TLE1: variants seen among roughly 807,000 people sequenced by gnomAD.
The protein encoded by TLE1 is TLE family member 1, transcriptional corepressor, also known as transducin-like enhancer protein 1.
A neutral mutation model predicts 89.8 loss-of-function variants in TLE1; 21 were observed. That is an observed-to-expected ratio of 0.23 (90% confidence interval 0.17 to 0.34). The LOEUF (loss-of-function observed/expected upper bound fraction) is 0.34. Among genes scored for constraint, TLE1 ranks in the 10% least tolerant of loss-of-function variants. The pLI is 1.00. For missense variants in TLE1, 795 were observed against 1,031.2 expected, an observed-to-expected ratio of 0.77 and a Z score of 3.14; for synonymous variants, 447 against 407.6, an observed-to-expected ratio of 1.10 and a Z score of -1.16.
intron 4 of TLE1, among the ~76,000 whole-genome samples, chr9:81,684,032 A>C (rs1311470659): frequency 6.6e-6 from 1 of 152,156 alleles, no homozygotes; most frequent in African/African-American, 2.4e-5. Flanking sequence ...TTCCCTTGTA[A>C]AAGAGTCAAT....
At chr9:81,600,241 A>T (rs1563948145) in intron 14 of TLE1, 1 of 594,964 alleles carries the variant, frequency 1.7e-6, no homozygotes, top group Non-Finnish European at 3.1e-6. Flanking sequence ...CACTACAGAC[A>T]AAAACGAGCA....
intron 11 of TLE1, among the ~76,000 whole-genome samples, chr9:81,614,125 GTCTCGA>G (rs945241653): frequency 3.9e-5 from 6 of 151,930 alleles, no homozygotes; most frequent in African/African-American, 1.5e-4. Context: ...AGCCAGGATG[GTCTCGA>G]TCTCCTGACC....
At chr9:81,589,270 T>C (rs1829092136) in intron 16 of TLE1, among the ~76,000 whole-genome samples, 1 of 152,186 alleles carries the variant, frequency 6.6e-6, no homozygotes, top group Admixed American at 6.5e-5. Flanking sequence ...CACCTTCCTC[T>C]GCTGACATAC....
chr9:81,592,070 G>A (rs1370339876), intron 15 of TLE1, among the ~76,000 whole-genome samples: 2 of 152,136 alleles, frequency 1.3e-5, no homozygotes, highest in Non-Finnish European at 2.9e-5. Context: ...TTTAGAAATC[G>A]GAACATGGCC....
chr9:81,665,217 C>T (rs988691414), intron 4 of TLE1, among the ~76,000 whole-genome samples: 2 of 152,184 alleles, frequency 1.3e-5, no homozygotes, highest in Non-Finnish European at 2.9e-5. Flanking sequence ...TGGAAAACCT[C>T]GCACAATATT....
chr9:81,642,709 A>AAAGAAAAGAAAGAAAG (rs1554686035), intron 6 of TLE1, among the ~76,000 whole-genome samples: 1 of 150,366 alleles, frequency 6.7e-6, no homozygotes, highest in African/African-American at 2.5e-5. Flanking sequence ...ATGAAAGAAA[A>AAAGAAAAGAAAGAAAG]GAAAGAAAGG....
Position 81,633,304 on chromosome 9 carries a change from TGTGTGTGTG to T in TLE1, c.594+35_594+43del, listed in dbSNP as rs750872224. On this transcript the variant is annotated intron_variant, in intron 8 of 19. Transcript: ENST00000376499. ...GAAGGGGACCGTGTGTGTGTGTGTG[TGTGTGTGTG>T]TGTGTGTGTGTGCAGCAGGCGTTTG... The T allele has an allele frequency of 7.0e-6, 10 of 1,421,620 alleles. No homozygotes were observed. In the South Asian group the frequency reaches 1.3e-4, roughly 18 times the overall value. 88.1% of individuals were successfully genotyped at this position (1,421,620 alleles called of 1,614,324 possible).
chr9:81,662,364 TGTGTG>T (rs1830917885), intron 4 of TLE1, among the ~76,000 whole-genome samples: 3 of 53,214 alleles, frequency 5.6e-5, no homozygotes, highest in East Asian at 7.5e-4. Context: ...GCCTGTTTTG[TGTGTG>T]TGTGTGTGTG....
At chr9:81,652,814 C>T (rs955826806) in intron 5 of TLE1, among the ~76,000 whole-genome samples, 3 of 152,070 alleles carry the variant, frequency 2.0e-5, no homozygotes, top group African/African-American at 4.8e-5. Flanking sequence ...ATTTTAATAC[C>T]TAAAACTTTA....
At chr9:81,633,307 GTGTGTGTGT>G in intron 8 of TLE1, 32 bp downstream of exon 8, 1 of 1,605,220 alleles carries the variant, frequency 6.2e-7, no homozygotes, top group Non-Finnish European at 8.5e-7. Context: ...GTGTGTGTGT[GTGTGTGTGT>G]GTGTGTGTGC....
chr9:81,620,580 A>G (rs761107451), intron 8 of TLE1, 23 bp from the exon 9 acceptor site: 5 of 1,599,706 alleles, frequency 3.1e-6, no homozygotes, highest in South Asian at 2.3e-5. Context: ...AAAATTAATC[A>G]AAGATTTCTT....
chr9:81,649,505 A>T (rs1204318260), intron 6 of TLE1, among the ~76,000 whole-genome samples: 1 of 152,226 alleles, frequency 6.6e-6, no homozygotes, highest in African/African-American at 2.4e-5. Context: ...GGGAATGAGA[A>T]TGTTTCGGCT....
At chr9:81,632,091 A>C (rs1457481854) in intron 8 of TLE1, among the ~76,000 whole-genome samples, 1 of 138,782 alleles carries the variant, frequency 7.2e-6, no homozygotes, top group Non-Finnish European at 1.5e-5. Context: ...ACTCCATCTC[A>C]AAAAAAAAAA....
At chr9:81,685,573 T>G in intron 4 of TLE1, 103 bp downstream of exon 4, 1 of 1,188,320 alleles carries the variant, frequency 8.4e-7, no homozygotes, top group South Asian at 1.4e-5. Context: ...AAAAATAGCA[T>G]ACAAACCCCC....
intron 12 of TLE1, 40 bp downstream of exon 12, chr9:81,613,337 G>A (rs1823960758): frequency 6.2e-7 from 1 of 1,602,460 alleles, no homozygotes; most frequent in Non-Finnish European, 8.5e-7. Flanking sequence ...GCTGGGAATG[G>A]GAGAAACCAA....
At chr9:81,657,904 A>ATT (rs34624864) in intron 4 of TLE1, among the ~76,000 whole-genome samples, 5,031 of 133,952 alleles carry the variant, frequency 0.038, 133 homozygotes, top group African/African-American at 0.057. Flanking sequence ...TACAGACATA[A>ATT]TTTTTTTTTT....
chr9:81,670,804 T>G (rs1832123840), intron 4 of TLE1, among the ~76,000 whole-genome samples: 1 of 151,664 alleles, frequency 6.6e-6, no homozygotes, highest in South Asian at 2.1e-4. Context: ...CTGCATAAGA[T>G]CAGTGATACA....
chr9:81,662,381 G>A (rs1407019237), intron 4 of TLE1, among the ~76,000 whole-genome samples: 1 of 134,832 alleles, frequency 7.4e-6, no homozygotes, highest in African/African-American at 2.9e-5. Flanking sequence ...GTGTGTGTGT[G>A]TGTGTGTGTG....
intron 11 of TLE1, among the ~76,000 whole-genome samples, chr9:81,613,904 T>C (rs1302318249): frequency 9.5e-6 from 1 of 105,164 alleles, no homozygotes; most frequent in Non-Finnish European, 1.6e-5. Flanking sequence ...CCCTTTTCTT[T>C]TCTTTTTTTT....
Sources: gnomAD v4.1 joint callset for allele counts (sites outside exome capture counted in the v4.1 genomes callset) on GRCh38, gnomAD v4.1.1 for gene constraint, MANE v1.5 for transcripts, NCBI Gene and HGNC (gene_info 2026-07-23, HGNC 2026-07-21) for gene names.